NPAS3: variants seen among roughly 807,000 people sequenced by gnomAD.
The protein encoded by NPAS3 is neuronal PAS domain-containing protein 3.
In NPAS3, 14 loss-of-function variants were observed where a neutral mutation model predicts 73.1. The observed-to-expected ratio is 0.19, with a 90% CI of 0.13 to 0.30. The LOEUF is 0.30. Ranked by LOEUF, NPAS3 falls within the 10% of genes least tolerant of loss-of-function variation. The pLI is 1.00. For synonymous variants in NPAS3, 620 were observed against 541.5 expected (o/e 1.14, Z -2.01); for missense variants, 1,096 against 1,250.0 (o/e 0.88, Z 1.86).
At chr14:33,478,547 C>T (rs2051156618) in intron 4 of NPAS3, among the ~76,000 whole-genome samples, 1 of 152,144 alleles carries the variant, frequency 6.6e-6, no homozygotes, top group South Asian at 2.1e-4. Context: ...TCTCCCACCC[C>T]TGAAGACAGA....
chr14:33,689,103 G>A (rs563447292), intron 6 of NPAS3, among the ~76,000 whole-genome samples: 52 of 152,286 alleles, frequency 3.4e-4, no homozygotes, highest in African/African-American at 1.2e-3. Flanking sequence ...TACGTAGTAC[G>A]TAGGGCCTTA....
intron 2 of NPAS3, among the ~76,000 whole-genome samples, chr14:33,208,428 A>G (rs2046910652): frequency 1.3e-5 from 2 of 152,158 alleles, no homozygotes; most frequent in African/African-American, 4.8e-5. Context: ...AAACATACAC[A>G]AGGCATTTTC....
chr14:33,696,921 C>T (rs1595458860), intron 6 of NPAS3, among the ~76,000 whole-genome samples: 1 of 152,290 alleles, frequency 6.6e-6, no homozygotes, highest in Non-Finnish European at 1.5e-5. Flanking sequence ...CCCAAATCAA[C>T]TTGGAATACC....
chr14:33,139,256 G>C (rs2043955191), intron 2 of NPAS3, among the ~76,000 whole-genome samples: 1 of 152,140 alleles, frequency 6.6e-6, no homozygotes, highest in South Asian at 2.1e-4. Context: ...GTTACCATCA[G>C]TTGCCCTTTC....
intron 4 of NPAS3, among the ~76,000 whole-genome samples, chr14:33,429,865 TAG>T (rs1375695622): frequency 6.6e-6 from 1 of 152,218 alleles, no homozygotes; most frequent in Non-Finnish European, 1.5e-5. Flanking sequence ...TGTTTCTATG[TAG>T]AAAATTGCAA....
intron 2 of NPAS3, among the ~76,000 whole-genome samples, chr14:33,209,494 TC>T (rs1200721902): frequency 6.6e-6 from 1 of 152,182 alleles, no homozygotes; most frequent in Non-Finnish European, 1.5e-5. Flanking sequence ...ACTATAGATT[TC>T]ACAGTTAACT....
In NPAS3 at chr14:33,049,643, G is replaced by T. The variant is rs145899249; in HGVS notation, c.51-6262G>T. 4.8e-3 allele frequency among the ~76,000 whole-genome samples: 735 copies of T among 152,296 alleles called. 8 individuals carry two copies. Among genetic ancestry groups the T allele is most frequent in the African/African-American group, 0.016 (682 of 41,560 alleles). Reference sequence around the variant, plus strand: ...ACTGGGTCCCTCCCACAACACATGGGAATTATAGGAGCTACAAGATGAGAT... The same window carrying T: ...ACTGGGTCCCTCCCACAACACATGGTAATTATAGGAGCTACAAGATGAGAT... On this transcript the variant is annotated intron_variant, in intron 1 of 11. Transcript: ENST00000356141.
At chr14:33,210,115 C>A (rs1463004081) in intron 2 of NPAS3, among the ~76,000 whole-genome samples, 1 of 152,140 alleles carries the variant, frequency 6.6e-6, no homozygotes, top group Non-Finnish European at 1.5e-5. Context: ...ATCATTATAA[C>A]CTTCTCTGTG....
intron 9 of NPAS3, 76 bp downstream of exon 9, chr14:33,778,648 A>C (rs956946336): frequency 2.1e-6 from 2 of 936,282 alleles, no homozygotes; most frequent in Non-Finnish European, 3.5e-6. Context: ...TTCAGTGCTG[A>C]TTTTTCCCTT....
chr14:33,121,923 A>G (rs113691088), intron 2 of NPAS3, among the ~76,000 whole-genome samples: 9 of 152,268 alleles, frequency 5.9e-5, no homozygotes, highest in African/African-American at 2.2e-4. Context: ...CAGATGACAG[A>G]AGTTTATCTT....
chr14:33,301,330 T>A (rs867681786), intron 3 of NPAS3, among the ~76,000 whole-genome samples: 10,955 of 68,664 alleles, frequency 0.16, 1,979 homozygotes, highest in African/African-American at 0.43. Context: ...ATATTTTTTT[T>A]TTTTAAATCT....
rs1393733050 is a variant in NPAS3 at position 32,952,885 on chromosome 14, C to A, written c.50+13519C>A. Among the ~76,000 whole-genome samples, 3 of 151,906 alleles carry A rather than the reference C, an allele frequency of 2.0e-5. No individual in the cohort carries two copies. The East Asian group carries it at 5.8e-4, about 29-fold the overall frequency. ...CCCAGGATTTTGAGACCAGCCTGGG[C>A]AACATGGTGAGACCATGTTTCTACA... On this transcript the variant is annotated intron_variant, in intron 1 of 11. Transcript: ENST00000356141.
chr14:33,419,719 C>T (rs1419142627), intron 4 of NPAS3, among the ~76,000 whole-genome samples: 1 of 151,772 alleles, frequency 6.6e-6, no homozygotes, highest in African/African-American at 2.4e-5. Context: ...TGATAAGGAG[C>T]TAAGTATAAC....
chr14:32,983,859 C>A (rs986389071), intron 1 of NPAS3, among the ~76,000 whole-genome samples: 3 of 152,064 alleles, frequency 2.0e-5, no homozygotes, highest in Non-Finnish European at 4.4e-5. Context: ...GTAGCTGGGA[C>A]TACAGGCATG....
At chr14:33,138,382 A>G (rs1429045704) in intron 2 of NPAS3, among the ~76,000 whole-genome samples, 2 of 152,204 alleles carry the variant, frequency 1.3e-5, no homozygotes, top group African/African-American at 2.4e-5. Context: ...GTAGTCATAC[A>G]GTAATTATTA....
intron 4 of NPAS3, among the ~76,000 whole-genome samples, chr14:33,394,793 CAA>C (rs1263013458): frequency 6.6e-6 from 1 of 152,134 alleles, no homozygotes; most frequent in Non-Finnish European, 1.5e-5. Flanking sequence ...AATCTTAGGT[CAA>C]GAGATCGATC....
At chr14:33,249,819 C>T (rs144695996) in intron 3 of NPAS3, among the ~76,000 whole-genome samples, 101 of 151,550 alleles carry the variant, frequency 6.7e-4, no homozygotes, top group Non-Finnish European at 1.1e-3. Flanking sequence ...GAAAACCTTG[C>T]GTTTATGCTT....
intron 1 of NPAS3, among the ~76,000 whole-genome samples, chr14:32,960,156 G>A (rs1363947301): frequency 5.9e-5 from 9 of 151,884 alleles, no homozygotes; most frequent in Admixed American, 5.9e-4. Flanking sequence ...TCACCCGAGA[G>A]GGTTTACTTA....
chr14:33,331,158 G>A (rs2043966253), intron 3 of NPAS3, among the ~76,000 whole-genome samples: 1 of 152,038 alleles, frequency 6.6e-6, no homozygotes, highest in African/African-American at 2.4e-5. Flanking sequence ...TCTTATCAGG[G>A]TAAGATCTCA....
Sources: gnomAD v4.1 joint callset for allele counts (sites outside exome capture counted in the v4.1 genomes callset) on GRCh38, gnomAD v4.1.1 for gene constraint, MANE v1.5 for transcripts, NCBI Gene and HGNC (gene_info 2026-07-23, HGNC 2026-07-21) for gene names.